Variants in CFI observed in about 807,000 individuals in gnomAD.
The protein encoded by CFI is complement factor I, also known as C3B/C4B inactivator.
In CFI, 66 loss-of-function variants were observed where a neutral mutation model predicts 78.8. The ratio of observed to expected loss-of-function variants is 0.84; its 90% CI spans 0.69 to 1.03. CFI has a LOEUF of 1.03. Among genes scored for constraint, CFI ranks in the 50% least tolerant of loss-of-function variants. CFI has a pLI of 0.00. For synonymous variants in CFI, 250 were observed against 232.6 expected (o/e 1.07, Z -0.68); for missense variants, 706 against 704.5 (o/e 1.00, Z -0.02).
downstream of CFI, among the ~76,000 whole-genome samples, chr4:109,738,307 T>G (rs149086206): frequency 2.1e-3 from 324 of 152,098 alleles, 2 homozygotes; most frequent in African/African-American, 7.4e-3. Flanking sequence ...AGATGGGGTC[T>G]TGCTATGTTG....
intron 1 of CFI, among the ~76,000 whole-genome samples, chr4:109,782,429 T>A (rs1372327268): frequency 1.9e-4 from 2 of 10,578 alleles, no homozygotes; most frequent in African/African-American, 2.0e-4. Flanking sequence ...TTACAATAGC[T>A]GCAAAAAAAA....
At chr4:109,782,449 T>G (rs1730175985) in intron 1 of CFI, among the ~76,000 whole-genome samples, 1 of 107,572 alleles carries the variant, frequency 9.3e-6, no homozygotes, top group Admixed American at 8.9e-5. Context: ...AAAAAAATAC[T>G]TAGGAATATA....
intron 1 of CFI, among the ~76,000 whole-genome samples, chr4:109,781,258 C>T (rs899442467): frequency 1.7e-4 from 26 of 151,656 alleles, no homozygotes; most frequent in Non-Finnish European, 3.1e-4. Context: ...ATTGATAGAC[C>T]ATTAGCAAGA....
the CFI span, among the ~76,000 whole-genome samples, chr4:109,733,370 T>C: frequency 6.6e-6 from 1 of 152,244 alleles, no homozygotes; most frequent in Admixed American, 6.5e-5. Context: ...CACTTTCATC[T>C]AACCAGCAAA....
chr4:109,760,007 G>A, intron 6 of CFI: 1 of 599,946 alleles, frequency 1.7e-6, no homozygotes, highest in Non-Finnish European at 3.0e-6. Context: ...TGGAAAATGG[G>A]TACTTAAGGA....
chr4:109,792,290 T>A (rs1270963948), intron 1 of CFI, among the ~76,000 whole-genome samples: 1 of 152,122 alleles, frequency 6.6e-6, no homozygotes, highest in Non-Finnish European at 1.5e-5. Flanking sequence ...TATTATTATC[T>A]ATTTCTGGTC....
chr4:109,746,491 G>C lies in CFI; in HGVS notation c.1160C>G (p.Thr387Ser), dbSNP rs1373768125. The change falls in exon 11 of 13, where the codon ACT becomes AGT. Residue 387 changes from threonine to serine, a missense_variant. By Grantham distance (58) the Thr-to-Ser change is moderately conservative. Transcript: ENST00000394634. ...TGTTGTCCATATTTGGTAACGATGA[G>C]TTTTACTGGCTCTATAACAGAAAAA... ...TAAHCLRASK[T>S]HRYQIWTTVV... 1 of 1,609,970 alleles carries C rather than the reference G, an allele frequency of 6.2e-7. No individual in the cohort carries two copies. The highest frequency in any genetic ancestry group is 1.1e-5 in the South Asian group (1 of 90,606).
the CFI span, among the ~76,000 whole-genome samples, chr4:109,735,574 G>A: frequency 0.36 from 55,457 of 152,096 alleles, 11,265 homozygotes; most frequent in East Asian, 0.56. Flanking sequence ...CAGCAGTGTT[G>A]TGATGAAAAT....
Position 109,766,822 on chromosome 4 carries a change from G to A in CFI, c.60C>T (p.Val20=), listed in dbSNP as rs776132010. 4.1e-5 allele frequency: 66 copies of A among 1,613,858 alleles called. No homozygotes were observed. Among genetic ancestry groups the A allele is most frequent in the Admixed American group, 6.7e-5 (4 of 60,004 alleles). ...CCAGATCCTCTTGAGATGTATAAGT[G>A]ACCTGTAAAATGCAAAATAAACATT... ...FLCFHLRFCK[V]TYTSQEDLVE... The change falls in exon 2 of 13, where the codon GTC becomes GTT. Residue 20 remains valine (V), a splice_region_variant and synonymous_variant. Coordinates refer to ENST00000394634, the MANE Select transcript of CFI (RefSeq NM_000204.5).
intron 1 of CFI, among the ~76,000 whole-genome samples, chr4:109,786,788 T>C (rs1454065592): frequency 6.6e-6 from 1 of 152,000 alleles, no homozygotes; most frequent in Non-Finnish European, 1.5e-5. Flanking sequence ...AGATGAAAAA[T>C]ACATGGGAAA....
chr4:109,762,059 C>T (rs1325667391), intron 3 of CFI: 7 of 286,312 alleles, frequency 2.4e-5, no homozygotes, highest in Admixed American at 4.8e-5. Flanking sequence ...GGTGTGGTGG[C>T]CTACACCTGT....
chr4:109,746,417 C>T lies in CFI; in HGVS notation c.1234G>A (p.Val412Met), dbSNP rs371432629. Residue 412 changes from valine to methionine, a missense_variant, in exon 11 of 13, where the codon GTG (valine) becomes ATG (methionine). Val to Met is a conservative substitution (Grantham distance 21). Transcript: ENST00000394634. ...TTTTCATGGAAAATAATTCTATCCA[C>T]GTATTCAATTACTATACGTTTAAGG... The part of the protein sequence containing the change: ...PDLKRIVIEY[V>M]DRIIFHENYN... 2.9e-5 allele frequency: 47 copies of T among 1,613,844 alleles called. No individual in the cohort carries two copies. The Middle Eastern group carries it at 5.0e-4, about 17-fold the overall frequency.
intron 1 of CFI, among the ~76,000 whole-genome samples, chr4:109,792,306 C>T (rs903994256): frequency 1.3e-5 from 2 of 152,124 alleles, no homozygotes; most frequent in African/African-American, 4.8e-5. Flanking sequence ...TGGTCAGGCA[C>T]AGTGACTCAC....
intron 8 of CFI, among the ~76,000 whole-genome samples, chr4:109,751,438 C>CTTTTTTTTTTTTTTTTTTTTTTTTTTTTT (rs66497003): frequency 1.0e-5 from 1 of 100,356 alleles, no homozygotes; most frequent in Non-Finnish European, 1.8e-5. Flanking sequence ...AGAGCTAAAT[C>CTTTTTTTTTTTTTTTTTTTTTTTTTTTTT]TTTTTTTTTT....
intron 7 of CFI, among the ~76,000 whole-genome samples, chr4:109,753,856 T>C (rs1472986714): frequency 4.2e-5 from 3 of 70,626 alleles, no homozygotes; most frequent in Non-Finnish European, 4.9e-5. Context: ...TTATATTATA[T>C]ATTATATAAT....
intron 1 of CFI, among the ~76,000 whole-genome samples, chr4:109,772,190 T>C (rs1484968520): frequency 1.3e-5 from 2 of 152,214 alleles, no homozygotes; most frequent in African/African-American, 4.8e-5. Context: ...AGTAAGAATA[T>C]GGTTTATTTA....
At chr4:109,785,095 T>C (rs139148493) in intron 1 of CFI, among the ~76,000 whole-genome samples, 228 of 152,182 alleles carry the variant, frequency 1.5e-3, no homozygotes, top group Non-Finnish European at 2.2e-3. Context: ...GCCCACAAAT[T>C]GCTCCTAACT....
intron 11 of CFI, 98 bp downstream of exon 11, chr4:109,746,124 T>C: frequency 1.5e-6 from 2 of 1,373,590 alleles, no homozygotes; most frequent in Admixed American, 1.9e-5. Flanking sequence ...TATGATGTTA[T>C]GCTTCTCTCT....
chr4:109,795,741 A>T (rs1731976204), intron 1 of CFI, among the ~76,000 whole-genome samples: 1 of 152,200 alleles, frequency 6.6e-6, no homozygotes. Context: ...TAGAGAGCTC[A>T]TACACCATAC....
Sources: gnomAD v4.1 joint callset for allele counts (sites outside exome capture counted in the v4.1 genomes callset) on GRCh38, gnomAD v4.1.1 for gene constraint, MANE v1.5 for transcripts, NCBI Gene and HGNC (gene_info 2026-07-23, HGNC 2026-07-21) for gene names.